KCNQ5: variants seen among roughly 807,000 people sequenced by gnomAD.
The protein encoded by KCNQ5 is potassium voltage-gated channel subfamily Q member 5.
In KCNQ5, 30 loss-of-function variants were observed where a neutral mutation model predicts 98.2. That is an observed-to-expected ratio of 0.31 (90% CI 0.23 to 0.41). The LOEUF (loss-of-function observed/expected upper bound fraction) is 0.41, where lower values mean the gene tolerates loss of function less well. KCNQ5 is among the 10% of genes least tolerant of loss of function. KCNQ5 has a pLI of 1.00. For synonymous variants in KCNQ5, 458 were observed against 449.4 expected (o/e 1.02, Z -0.24); for missense variants, 835 against 1,182.5 (o/e 0.71, Z 4.31).
chr6:73,182,850 C>A (rs1210299611), intron 11 of KCNQ5, among the ~76,000 whole-genome samples: 2 of 152,120 alleles, frequency 1.3e-5, no homozygotes, highest in Admixed American at 1.3e-4. Context: ...CTAACAGACT[C>A]CAATGAGACT....
intron 1 of KCNQ5, among the ~76,000 whole-genome samples, chr6:73,002,073 T>A (rs1413414349): frequency 6.6e-6 from 1 of 152,136 alleles, no homozygotes; most frequent in African/African-American, 2.4e-5. Flanking sequence ...AAAGTTACAA[T>A]GAGCTATGAA....
At chr6:72,790,115 CA>C (rs1773960255) in intron 1 of KCNQ5, among the ~76,000 whole-genome samples, 1 of 152,188 alleles carries the variant, frequency 6.6e-6, no homozygotes, top group Non-Finnish European at 1.5e-5. Context: ...TAAATATTAA[CA>C]ATTTCTTAAA....
At chr6:72,637,709 A>T (rs574416751) in intron 1 of KCNQ5, among the ~76,000 whole-genome samples, 1 of 152,200 alleles carries the variant, frequency 6.6e-6, no homozygotes, top group Non-Finnish European at 1.5e-5. Context: ...ATAAAATTCT[A>T]TAGTTCTGTT....
intron 5 of KCNQ5, among the ~76,000 whole-genome samples, chr6:73,098,341 G>A (rs1367808648): frequency 1.3e-5 from 2 of 152,100 alleles, no homozygotes; most frequent in African/African-American, 4.8e-5. Flanking sequence ...GAGAGAGAGA[G>A]AAAGTTTATT....
chr6:73,096,264 G>T (rs1394627998), intron 5 of KCNQ5, among the ~76,000 whole-genome samples: 1 of 148,352 alleles, frequency 6.7e-6, no homozygotes. Flanking sequence ...TGACATTTCA[G>T]CAGGTACCTG....
chr6:73,108,515 T>A (rs2150423502), intron 6 of KCNQ5, among the ~76,000 whole-genome samples: 1 of 152,220 alleles, frequency 6.6e-6, no homozygotes, highest in Admixed American at 6.5e-5. Context: ...TAATAACATG[T>A]TAAAAACCGT....
At chr6:72,704,247 A>G (rs1768963217) in intron 1 of KCNQ5, among the ~76,000 whole-genome samples, 1 of 152,116 alleles carries the variant, frequency 6.6e-6, no homozygotes, top group Non-Finnish European at 1.5e-5. Flanking sequence ...CCCTCTGTTT[A>G]TGGAGTAACA....
chr6:72,820,248 C>T (rs941094434), intron 1 of KCNQ5, among the ~76,000 whole-genome samples: 6 of 152,164 alleles, frequency 3.9e-5, no homozygotes, highest in Non-Finnish European at 7.3e-5. Flanking sequence ...AATACTATCA[C>T]CATCAGCTGT....
At chr6:73,020,675 C>T (rs1770562088) in intron 2 of KCNQ5, among the ~76,000 whole-genome samples, 1 of 152,126 alleles carries the variant, frequency 6.6e-6, no homozygotes, top group African/African-American at 2.4e-5. Context: ...TTTCTGGTGA[C>T]CAGCCTCCAT....
At chr6:73,010,263 T>G (rs1225716364) in intron 2 of KCNQ5, among the ~76,000 whole-genome samples, 1 of 152,076 alleles carries the variant, frequency 6.6e-6, no homozygotes, top group Non-Finnish European at 1.5e-5. Flanking sequence ...CACATAATTA[T>G]CTCAATTGAA....
At chr6:72,996,661 G>A (rs922407833) in intron 1 of KCNQ5, among the ~76,000 whole-genome samples, 2 of 152,160 alleles carry the variant, frequency 1.3e-5, no homozygotes, top group East Asian at 1.9e-4. Context: ...CTGTAGCTGG[G>A]CAGTATCCAG....
At chr6:73,012,138 C>T (rs895655023) in intron 2 of KCNQ5, among the ~76,000 whole-genome samples, 14 of 152,112 alleles carry the variant, frequency 9.2e-5, no homozygotes, top group African/African-American at 2.2e-4. Flanking sequence ...AAAACACTGA[C>T]GGCAAGGTCT....
chr6:72,798,458 A>G (rs1396731553), intron 1 of KCNQ5, among the ~76,000 whole-genome samples: 4 of 152,122 alleles, frequency 2.6e-5, no homozygotes, highest in African/African-American at 4.8e-5. Context: ...TTGTTATTCA[A>G]ACGAGTTTGG....
At chr6:73,114,663 G>A (rs1191436434) in intron 7 of KCNQ5, among the ~76,000 whole-genome samples, 1 of 152,014 alleles carries the variant, frequency 6.6e-6, no homozygotes, top group Non-Finnish European at 1.5e-5. Context: ...CTTGATCCTC[G>A]AGACAAGCCT....
chr6:73,029,642 T>C (rs1771042543), intron 2 of KCNQ5, among the ~76,000 whole-genome samples: 1 of 151,832 alleles, frequency 6.6e-6, no homozygotes, highest in South Asian at 2.1e-4. Flanking sequence ...TTTAAAAGTA[T>C]ACTTGATTTG....
chr6:72,787,132 C>T (rs1051271002), intron 1 of KCNQ5, among the ~76,000 whole-genome samples: 3 of 152,010 alleles, frequency 2.0e-5, no homozygotes, highest in African/African-American at 7.2e-5. Flanking sequence ...CAAATGCAGC[C>T]CCCCACCTGT....
intron 1 of KCNQ5, among the ~76,000 whole-genome samples, chr6:72,878,697 T>G (rs779992282): frequency 2.6e-5 from 4 of 152,202 alleles, no homozygotes; most frequent in Non-Finnish European, 4.4e-5. Context: ...TTTTTCAAGT[T>G]CATGTGAACT....
chr6:73,193,222 G>C (rs1185611945), intron 13 of KCNQ5, among the ~76,000 whole-genome samples: 1 of 151,338 alleles, frequency 6.6e-6, no homozygotes, highest in Admixed American at 6.6e-5. Context: ...GTTTCACCAT[G>C]TTGGCCAGGC....
intron 1 of KCNQ5, among the ~76,000 whole-genome samples, chr6:72,822,283 C>T (rs1273764308): frequency 2.6e-5 from 4 of 152,210 alleles, no homozygotes; most frequent in Admixed American, 6.5e-5. Flanking sequence ...TGGTCAGCAT[C>T]TGCCACTGTA....
Sources: allele counts gnomAD v4.1 joint callset (sites outside exome capture counted in the v4.1 genomes callset), GRCh38; gene constraint gnomAD v4.1.1; transcripts MANE v1.5; gene names NCBI Gene and HGNC (gene_info 2026-07-23, HGNC 2026-07-21).